RPRD1B: variants seen among roughly 807,000 people sequenced by gnomAD.
RPRD1B encodes the protein regulation of nuclear pre-mRNA domain containing 1B.
In RPRD1B, 11 loss-of-function variants were observed where a neutral mutation model predicts 41.5. The observed-to-expected ratio is 0.27, with a 90% confidence interval of 0.17 to 0.44. The LOEUF is 0.44. RPRD1B is among the 20% of genes least tolerant of loss of function. RPRD1B has a pLI of 1.00. For missense variants in RPRD1B, 248 were observed against 389.9 expected, an observed-to-expected ratio of 0.64 and a Z score of 3.06; for synonymous variants, 158 against 155.6, an observed-to-expected ratio of 1.02 and a Z score of -0.12.
At chr20:38,081,584 C>G (rs2074513035) in intron 6 of RPRD1B, among the ~76,000 whole-genome samples, 1 of 152,102 alleles carries the variant, frequency 6.6e-6, no homozygotes, top group Non-Finnish European at 1.5e-5. Context: ...ACTTCCAGTA[C>G]TGTGTTGAAC....
At chr20:38,066,045 A>G in intron 5 of RPRD1B, 36 bp from the exon 6 acceptor site, 4 of 1,603,584 alleles carry the variant, frequency 2.5e-6, no homozygotes, top group Non-Finnish European at 3.4e-6. Context: ...TGTGATTTGT[A>G]TATTTTCTCT....
At position 38,052,768 on chromosome 20, in the gene RPRD1B, T is replaced by G. The variant is rs917485613; in HGVS notation, c.415+4287T>G. 1.4e-3 allele frequency among the ~76,000 whole-genome samples: 211 copies of G among 149,522 alleles called. 1 individual carries two copies. The highest frequency in any genetic ancestry group is 2.4e-3 in the Non-Finnish European group (160 of 67,278). On this transcript the variant is annotated intron_variant, in intron 3 of 6. Transcript: ENST00000373433. ...AAACGCGGTGTTTTTTTTTTTTTTT[T>G]TTTTTTTTTTTTAAATCACAGAAAA...
At chr20:38,036,295 T>C (rs2074002812) in intron 1 of RPRD1B, among the ~76,000 whole-genome samples, 1 of 152,208 alleles carries the variant, frequency 6.6e-6, no homozygotes, top group African/African-American at 2.4e-5. Context: ...AGCTAGGACA[T>C]GAGCCCAGGG....
intron 6 of RPRD1B, among the ~76,000 whole-genome samples, chr20:38,076,925 T>C (rs1185984814): frequency 1.8e-5 from 2 of 114,026 alleles, no homozygotes; most frequent in Non-Finnish European, 3.7e-5. Context: ...TTTTTTTTTT[T>C]TTTTTTTTTT....
At position 38,090,655 on chromosome 20, in the gene RPRD1B, C is replaced by T. The variant is rs2074604658; in HGVS notation, c.*780C>T. The T allele has an allele frequency of 2.0e-6, 2 of 985,360 alleles. No individual in the cohort carries two copies. The highest frequency in any genetic ancestry group is 1.7e-5 in the African/African-American group (1 of 57,248). The allele number at this position is 985,360 out of a possible 1,614,324, so 61.0% of individuals were successfully genotyped here. The stretch of plus-strand genomic sequence containing the variant: ...GAGCACGTTCCGAAAAACAGAATGC[C>T]TTGATCCCTGGTGGGTGCGAAGGCA... On this transcript the variant is annotated 3_prime_UTR_variant, in exon 7 of 7. Coordinates refer to ENST00000373433, the MANE Select transcript of RPRD1B (RefSeq NM_021215.4).
intron 3 of RPRD1B, among the ~76,000 whole-genome samples, chr20:38,054,425 CTTATT>C (rs1331357374): frequency 6.6e-6 from 1 of 152,176 alleles, no homozygotes; most frequent in Admixed American, 6.5e-5. Flanking sequence ...AAAATGATTT[CTTATT>C]TTAAGTCTTG....
chr20:38,053,477 C>A (rs919105477), intron 3 of RPRD1B, among the ~76,000 whole-genome samples: 1 of 152,166 alleles, frequency 6.6e-6, no homozygotes, highest in African/African-American at 2.4e-5. Flanking sequence ...GAATAAGACA[C>A]AAAGTGCTCC....
chr20:38,076,280 A>T (rs543232023), intron 6 of RPRD1B, among the ~76,000 whole-genome samples: 1 of 152,108 alleles, frequency 6.6e-6, no homozygotes, highest in African/African-American at 2.4e-5. Flanking sequence ...CCAGCGTTTT[A>T]TCTTTGATGT....
intron 6 of RPRD1B, among the ~76,000 whole-genome samples, chr20:38,071,784 G>A (rs1442429108): frequency 6.6e-6 from 1 of 152,126 alleles, no homozygotes; most frequent in Non-Finnish European, 1.5e-5. Flanking sequence ...AATTACTAAC[G>A]ATACTGATCA....
chr20:38,072,810 C>A (rs1397834881), intron 6 of RPRD1B, among the ~76,000 whole-genome samples: 3 of 152,058 alleles, frequency 2.0e-5, no homozygotes, highest in Admixed American at 2.0e-4. Flanking sequence ...TAATGTTAAC[C>A]CCCACCTCTA....
intron 6 of RPRD1B, 134 bp downstream of exon 6, chr20:38,066,390 T>G: frequency 1.2e-6 from 1 of 832,690 alleles, no homozygotes; most frequent in Non-Finnish European, 1.8e-6. Context: ...TGAACATCCA[T>G]CAGATACTGT....
intron 2 of RPRD1B, among the ~76,000 whole-genome samples, chr20:38,041,537 C>T (rs929879505): frequency 2.6e-5 from 4 of 151,994 alleles, no homozygotes; most frequent in African/African-American, 9.7e-5. Context: ...TCAACATGGG[C>T]GCAAGTAGCA....
intron 1 of RPRD1B, among the ~76,000 whole-genome samples, chr20:38,036,945 T>C (rs2074009586): frequency 6.6e-6 from 1 of 152,164 alleles, no homozygotes; most frequent in African/African-American, 2.4e-5. Flanking sequence ...AAAAAGATGC[T>C]CTTCCAAGCA....
At chr20:38,037,503 A>G (rs1790708337) in intron 1 of RPRD1B, among the ~76,000 whole-genome samples, 1 of 152,216 alleles carries the variant, frequency 6.6e-6, no homozygotes, top group South Asian at 2.1e-4. Flanking sequence ...GAAAGGACCT[A>G]TTTCTGTCGT....
chr20:38,041,260 A>G (rs1242438073), intron 2 of RPRD1B, among the ~76,000 whole-genome samples: 1 of 152,260 alleles, frequency 6.6e-6, no homozygotes, highest in African/African-American at 2.4e-5. Flanking sequence ...TTAGAATATT[A>G]TGTTTATAAG....
At chr20:38,053,500 A>G (rs192513603) in intron 3 of RPRD1B, among the ~76,000 whole-genome samples, 696 of 152,306 alleles carry the variant, frequency 4.6e-3, no homozygotes, top group Non-Finnish European at 7.5e-3. Flanking sequence ...TCGGAGAAGA[A>G]CGCTTGCCAG....
In RPRD1B at chr20:38,064,045, A is replaced by G. The variant is rs186434707; in HGVS notation, c.656-2036A>G. ...CATCTTAGTGAATTAACCATTTTTTAAAAACGATCAGTCAAGCAATAACAA... is the reference window on the plus strand; with the variant it reads ...CATCTTAGTGAATTAACCATTTTTTGAAAACGATCAGTCAAGCAATAACAA... On this transcript the variant is annotated intron_variant, in intron 5 of 6. Transcript: ENST00000373433. Among the ~76,000 whole-genome samples, 625 of 152,270 alleles carry G rather than the reference A, an allele frequency of 4.1e-3. 3 individuals carry two copies. The highest frequency in any genetic ancestry group is 0.013 in the African/African-American group (541 of 41,562).
chr20:38,044,665 C>T (rs569052063), intron 2 of RPRD1B, among the ~76,000 whole-genome samples: 26 of 152,242 alleles, frequency 1.7e-4, no homozygotes, highest in Admixed American at 7.8e-4. Context: ...TCAGCCACCG[C>T]GCCAGGCTCA....
At chr20:38,060,362 C>T (rs73098431) in intron 5 of RPRD1B, among the ~76,000 whole-genome samples, 1 of 152,328 alleles carries the variant, frequency 6.6e-6, no homozygotes, top group Admixed American at 6.5e-5. Context: ...TCTCTAACTT[C>T]TTCCATATCT....
Sources: gnomAD v4.1 joint callset for allele counts (sites outside exome capture counted in the v4.1 genomes callset) on GRCh38, gnomAD v4.1.1 for gene constraint, MANE v1.5 for transcripts, NCBI Gene and HGNC (gene_info 2026-07-23, HGNC 2026-07-21) for gene names.